AMOT: variants seen among roughly 807,000 people sequenced by gnomAD.
The protein encoded by AMOT is angiomotin.
In AMOT, 11 loss-of-function variants were observed where a neutral mutation model predicts 67.0. The ratio of observed to expected loss-of-function variants is 0.16; its 90% CI spans 0.10 to 0.27. The LOEUF (loss-of-function observed/expected upper bound fraction) is 0.27. Among genes scored for constraint, AMOT ranks in the 10% least tolerant of loss-of-function variants. The probability of loss-of-function intolerance (pLI) is 1.00; values close to 1 mark genes in which losing one functional copy is unlikely to be tolerated. For synonymous variants in AMOT, 326 were observed against 321.4 expected (o/e 1.01, Z -0.15); for missense variants, 753 against 852.0 (o/e 0.88, Z 1.45).
intron 12 of AMOT, among the ~76,000 whole-genome samples, chrX:112,780,196 A>C (rs1473713966): frequency 8.9e-6 from 1 of 112,349 alleles, no homozygotes; most frequent in Non-Finnish European, 1.9e-5. Context: ...CCATGACCAT[A>C]GTCCCCAAAA....
chrX:112,794,564 G>T (rs1292113898), intron 8 of AMOT, among the ~76,000 whole-genome samples: 3 of 111,826 alleles, frequency 2.7e-5, no homozygotes, highest in African/African-American at 9.8e-5. Flanking sequence ...AGATCCTAGA[G>T]ATGCAATCAA....
intron 1 of AMOT, among the ~76,000 whole-genome samples, chrX:112,833,871 T>C (rs1285399359): frequency 8.9e-6 from 1 of 112,422 alleles, no homozygotes; most frequent in Admixed American, 9.4e-5. Context: ...TTATCTTAGT[T>C]TGCTATCACA....
At chrX:112,797,640 G>T (rs1233111054) in intron 8 of AMOT, among the ~76,000 whole-genome samples, 1 of 111,468 alleles carries the variant, frequency 9.0e-6, no homozygotes, top group Non-Finnish European at 1.9e-5. Context: ...AATTAGCTGG[G>T]TGTGGTGGTG....
Position 112,822,960 on chromosome X carries a change from C to T in AMOT, c.167G>A (p.Gly56Asp), listed in dbSNP as rs1934752803. 3.4e-6 allele frequency: 4 copies of T among 1,165,636 alleles called. No individual in the cohort carries two copies. Among genetic ancestry groups the T allele is most frequent in the Non-Finnish European group, 4.6e-6 (4 of 872,749 alleles). ...PPFPSGSGNP[G>D]PQSDVLSPQD... ...GGGACTCAACACATCACTCTGAGGG[C>T]CCGGGTTCCCACTGCCACTGGGGAA... Residue 56 changes from glycine to aspartate, a missense_variant, in exon 4 of 14, where the codon GGC becomes GAC. Around this residue, in one of 5 missense-constraint regions of AMOT, gnomAD observed 118 missense variants for 125.9 expected, o/e 0.94. Transcript: ENST00000371959.
chrX:112,784,630 G>C (rs1933308867), intron 10 of AMOT, among the ~76,000 whole-genome samples: 1 of 111,623 alleles, frequency 9.0e-6, no homozygotes, highest in African/African-American at 3.3e-5. Flanking sequence ...GTGGAGGAGA[G>C]CGAGAGCGAG....
chrX:112,834,652 A>G (rs1428885951), intron 1 of AMOT, among the ~76,000 whole-genome samples: 1 of 112,931 alleles, frequency 8.9e-6, no homozygotes, highest in Non-Finnish European at 1.9e-5. Flanking sequence ...AGCTGTGTAT[A>G]AAACACTACA....
Position 112,791,912 on chromosome X carries a change from C to T in AMOT, c.1846G>A (p.Ala616Thr). The T allele has an allele frequency of 8.3e-7, 1 of 1,211,803 alleles. No individual in the cohort carries two copies. Among genetic ancestry groups the T allele is most frequent in the African/African-American group, 1.7e-5 (1 of 57,798 alleles). ...MQQALVQLQA[A>T]CEKREQLEHR... ...TCTAGCTGCTCACGTTTTTCACATG[C>T]TGCCTGGAGCTGTACAAGGGCCTGC... Residue 616 changes from alanine to threonine, a missense_variant, in exon 9 of 14, where the codon GCA becomes ACA. Physicochemically the swap from Ala to Thr is moderately conservative, Grantham distance 58. This residue lies in a region of AMOT where 66 missense variants were observed against 112.9 expected (regional missense o/e 0.58). Coordinates refer to ENST00000371959, the MANE Select transcript of AMOT (RefSeq NM_001113490.2).
Position 112,822,912 on chromosome X carries a change from A to G in AMOT, c.215T>C (p.Val72Ala), listed in dbSNP as rs756592398. 13 of 1,165,772 alleles carry G rather than the reference A, an allele frequency of 1.1e-5. No homozygotes were observed. The highest frequency in any genetic ancestry group is 1.3e-5 in the Non-Finnish European group (11 of 872,747). Residue 72 changes from valine to alanine, a missense_variant, in exon 4 of 14, where the codon GTG becomes GCG. Transcript: ENST00000371959. ...GGGTTCTTGTCGAGCAGCATGAGCC[A>G]CAAGCTGTTGGTGGTGGTCTTGGGG... Reference protein sequence around the residue: ...LSPQDHHQQLVAHAARQEPQG... With the variant: ...LSPQDHHQQLAAHAARQEPQG...
chrX:112,804,758 A>G (rs983813410), intron 8 of AMOT, among the ~76,000 whole-genome samples, 189 bp downstream of exon 8: 10 of 111,629 alleles, frequency 9.0e-5, no homozygotes, highest in Admixed American at 3.8e-4. Context: ...AGCAAAAGAA[A>G]AGAATTTACC....
chrX:112,816,011 A>G (rs1934547511), intron 4 of AMOT, 134 bp from the exon 5 acceptor site: 5 of 941,522 alleles, frequency 5.3e-6, no homozygotes, highest in Non-Finnish European at 7.0e-6. Flanking sequence ...GCAGGGTCTG[A>G]CTATGGGGAA....
chrX:112,802,496 A>G (rs1602782837), intron 8 of AMOT, among the ~76,000 whole-genome samples: 1 of 112,305 alleles, frequency 8.9e-6, no homozygotes, highest in East Asian at 2.8e-4. Flanking sequence ...GCGGGCTTGA[A>G]AGTCTGGAAG....
rs1351302090 is a variant in AMOT at position 112,780,911 on chromosome X, G to A, written c.2448C>T (p.Asp816=). 7 of 1,209,585 alleles carry A rather than the reference G, an allele frequency of 5.8e-6. No individual in the cohort carries two copies. The highest frequency in any genetic ancestry group is 3.5e-5 in the South Asian group (2 of 56,797). The change falls in exon 12 of 14, where the codon GAC becomes GAT. Residue 816 remains aspartate (D), a synonymous_variant. Transcript: ENST00000371959. ...CTAGGCTCCCCTTCCAGCTCTTGTC[G>A]TCTCGCTTTTCTTCCATGATGGGGG... ...TGSPIMEEKR[D]DKSWKGSLGI...
intron 8 of AMOT, among the ~76,000 whole-genome samples, chrX:112,801,815 C>T (rs967493114): frequency 8.0e-5 from 9 of 112,578 alleles, no homozygotes; most frequent in Non-Finnish European, 1.3e-4. Flanking sequence ...GAAGTAGTTA[C>T]CTAAGTGACC....
chrX:112,783,691 A>ATGTGTGTGTGTG (rs34787381), intron 10 of AMOT, among the ~76,000 whole-genome samples: 6 of 100,655 alleles, frequency 6.0e-5, no homozygotes, highest in African/African-American at 1.5e-4. Context: ...AAGGAAAAAC[A>ATGTGTGTGTGTG]TGTGTGTGTG....
intron 8 of AMOT, among the ~76,000 whole-genome samples, chrX:112,797,930 A>C (rs149182001): frequency 0.027 from 3,015 of 110,712 alleles, 121 homozygotes; most frequent in African/African-American, 0.093. Flanking sequence ...GAAAAAGCAA[A>C]CTCTTAAACT....
rs1935012260 is a variant in AMOT, at chrX:112,832,380, A to G, written c.-288-10T>C. On this transcript the variant is annotated splice_polypyrimidine_tract_variant and intron_variant, in intron 1 of 13. Transcript: ENST00000371959. The stretch of plus-strand genomic sequence containing the variant: ...GTCCTTCTTAGCAGCTCTGTGGGGA[A>G]ATAAAGGCAGATGTGATTAATTCCA... 8.9e-6 allele frequency: 1 copy of G among 111,987 alleles called. No individual in the cohort carries two copies. 9.2% of individuals were successfully genotyped at this position (111,987 alleles called of 1,213,427 possible).
At chrX:112,838,594 A>G (rs914556374) in intron 1 of AMOT, among the ~76,000 whole-genome samples, 5 of 112,790 alleles carry the variant, frequency 4.4e-5, no homozygotes, top group Non-Finnish European at 9.4e-5. Flanking sequence ...GTTGGGAATT[A>G]GTCTAATAAA....
rs755553926 is a variant in AMOT at position 112,819,352 on chromosome X, C to CA, written c.872+2902dup. On this transcript the variant is annotated intron_variant, in intron 4 of 13. Coordinates refer to ENST00000371959, the MANE Select transcript of AMOT (RefSeq NM_001113490.2). ...CAGAAACTGCCTTTCCCAGGCTCTG[C>CA]AATGGTGAATCGGTGAATCTGTGAA... 46 of 752,972 alleles carry CA rather than the reference C, an allele frequency of 6.1e-5. No individual in the cohort carries two copies. The South Asian group carries it at 2.6e-3, about 42-fold the overall frequency. The allele number at this position is 752,972 out of a possible 1,213,427, so 62.1% of individuals were successfully genotyped here. A position where few individuals can be genotyped will look rare whatever the true frequency, so the allele number is the denominator to read the frequency against.
chrX:112,823,230 T>C, intron 3 of AMOT, 42 bp from the exon 4 acceptor site: 1 of 821,424 alleles, frequency 1.2e-6, no homozygotes, highest in Non-Finnish European at 1.7e-6. Context: ...AGTTGATGGA[T>C]AAATCAGTCC....
Sources: gnomAD v4.1 joint callset for allele counts (sites outside exome capture counted in the v4.1 genomes callset) on GRCh38, gnomAD v4.1.1 for gene constraint, gnomAD v4.1.1 regional missense constraint, MANE v1.5 for transcripts, NCBI Gene and HGNC (gene_info 2026-07-23, HGNC 2026-07-21) for gene names.